Variants in PTPRM observed in about 807,000 individuals in gnomAD.
The protein encoded by PTPRM is protein tyrosine phosphatase receptor type M.
A neutral mutation model predicts 186.7 loss-of-function variants in PTPRM; 47 were observed. The observed-to-expected ratio is 0.25, with a 90% CI of 0.20 to 0.32. The LOEUF is 0.32. Among genes scored for constraint, PTPRM ranks in the 10% least tolerant of loss-of-function variants. PTPRM has a pLI of 1.00. For missense variants in PTPRM, 1,494 were observed against 1,865.0 expected (o/e 0.80, Z 3.66); for synonymous variants, 668 against 674.9 (o/e 0.99, Z 0.16).
At chr18:8,381,637 C>A (rs574024063) in intron 29 of PTPRM, among the ~76,000 whole-genome samples, 1 of 152,274 alleles carries the variant, frequency 6.6e-6, no homozygotes, top group East Asian at 1.9e-4. Flanking sequence ...AACTCTTCCC[C>A]ACTGATGCTC....
chr18:7,848,120 G>T (rs2046687602), intron 2 of PTPRM, among the ~76,000 whole-genome samples: 1 of 152,116 alleles, frequency 6.6e-6, no homozygotes. Flanking sequence ...CTTTTATCTG[G>T]GTTGGTCTCC....
chr18:7,871,356 C>T (rs771366511), intron 2 of PTPRM, among the ~76,000 whole-genome samples: 4 of 152,138 alleles, frequency 2.6e-5, no homozygotes, highest in Admixed American at 1.3e-4. Context: ...CTTAATTTAC[C>T]CTGATGATGA....
At chr18:8,217,092 C>T (rs1263752190) in intron 14 of PTPRM, among the ~76,000 whole-genome samples, 1 of 152,212 alleles carries the variant, frequency 6.6e-6, no homozygotes, top group Admixed American at 6.5e-5. Context: ...AATATTTACA[C>T]ATACTTTCTT....
chr18:7,725,473 A>C (rs2040529227), intron 1 of PTPRM, among the ~76,000 whole-genome samples: 2 of 152,098 alleles, frequency 1.3e-5, no homozygotes, highest in Non-Finnish European at 1.5e-5. Context: ...CTGGAACTGC[A>C]GCCCAAAGTG....
rs144040330 is a variant in PTPRM at position 8,195,097 on chromosome 18, G to A, written c.2301-48961G>A. Among the ~76,000 whole-genome samples, 78 of 151,558 alleles carry A rather than the reference G, an allele frequency of 5.1e-4. 1 individual carries two copies. Among genetic ancestry groups the A allele is most frequent in the African/African-American group, 1.8e-3 (76 of 41,262 alleles). On this transcript the variant is annotated intron_variant, in intron 14 of 32. Transcript: ENST00000580170. ...GAATTGTCATCCACACTTTGGCCAG[G>A]AGTACTGGGAAGTAGCTAGAATGGA...
chr18:8,284,906 G>A (rs2094939573), intron 19 of PTPRM, among the ~76,000 whole-genome samples: 1 of 152,140 alleles, frequency 6.6e-6, no homozygotes, highest in African/African-American at 2.4e-5. Flanking sequence ...TACTAAATTT[G>A]AATGCACTCA....
intron 3 of PTPRM, among the ~76,000 whole-genome samples, chr18:7,899,382 G>T (rs2049538942): frequency 6.6e-6 from 1 of 152,088 alleles, no homozygotes; most frequent in Admixed American, 6.5e-5. Flanking sequence ...GATTTTTGGG[G>T]GTTACAAATA....
intron 2 of PTPRM, among the ~76,000 whole-genome samples, chr18:7,880,826 T>A (rs1304149269): frequency 6.6e-6 from 1 of 152,122 alleles, no homozygotes; most frequent in Non-Finnish European, 1.5e-5. Flanking sequence ...GGGGATGAGA[T>A]CAAAGTGTAA....
intron 2 of PTPRM, among the ~76,000 whole-genome samples, chr18:7,857,984 G>T (rs575849015): frequency 3.7e-4 from 56 of 152,256 alleles, no homozygotes; most frequent in African/African-American, 1.3e-3. Flanking sequence ...AGAGAGGGCA[G>T]ATCTTTCATT....
chr18:8,052,784 A>G (rs1411401974), intron 7 of PTPRM, among the ~76,000 whole-genome samples: 2 of 152,200 alleles, frequency 1.3e-5, no homozygotes, highest in Non-Finnish European at 2.9e-5. Context: ...GGCTGTACCA[A>G]TCCCACTCTC....
intron 22 of PTPRM, among the ~76,000 whole-genome samples, chr18:8,340,772 C>G (rs1032005550): frequency 6.6e-6 from 1 of 152,176 alleles, no homozygotes; most frequent in Non-Finnish European, 1.5e-5. Context: ...AGCCGATGTC[C>G]TTGATGCTAT....
chr18:8,032,377 T>G (rs182409658), intron 7 of PTPRM, among the ~76,000 whole-genome samples: 1 of 152,192 alleles, frequency 6.6e-6, no homozygotes, highest in Non-Finnish European at 1.5e-5. Flanking sequence ...TATTGTTGTT[T>G]CCACTGCTAT....
chr18:7,772,345 CTTTCTCTTTCTTTCTT>C (rs1206838858), intron 1 of PTPRM, among the ~76,000 whole-genome samples: 38 of 116,586 alleles, frequency 3.3e-4, no homozygotes, highest in Admixed American at 2.2e-3. Context: ...TTCTTTCTTT[CTTTCTCTTTCTTTCTT>C]TCTTTCTTTC....
chr18:7,569,046 C>T (rs565673883), intron 1 of PTPRM, among the ~76,000 whole-genome samples: 6 of 152,286 alleles, frequency 3.9e-5, no homozygotes, highest in East Asian at 1.9e-4. Context: ...AAATAGGTCT[C>T]TGCGTTTGGG....
At chr18:8,204,850 T>C (rs902729957) in intron 14 of PTPRM, among the ~76,000 whole-genome samples, 13 of 152,316 alleles carry the variant, frequency 8.5e-5, no homozygotes, top group African/African-American at 2.9e-4. Flanking sequence ...GCTCGTGTTT[T>C]CTCTCTAGTA....
chr18:7,873,652 G>A (rs536848402), intron 2 of PTPRM, among the ~76,000 whole-genome samples: 1 of 152,286 alleles, frequency 6.6e-6, no homozygotes, highest in African/African-American at 2.4e-5. Flanking sequence ...CTTGTGCTTA[G>A]AACAGAGGAT....
chr18:7,848,549 A>G (rs886473019), intron 2 of PTPRM, among the ~76,000 whole-genome samples: 6 of 152,078 alleles, frequency 3.9e-5, no homozygotes, highest in Admixed American at 2.0e-4. Context: ...AGGCAGGAGG[A>G]CCACTTGAGC....
intron 23 of PTPRM, among the ~76,000 whole-genome samples, chr18:8,365,467 T>C (rs1283145777): frequency 6.6e-6 from 1 of 152,212 alleles, no homozygotes. Flanking sequence ...GCTCGGTGGA[T>C]GGGAGTTGCA....
chr18:8,111,150 G>C (rs1300385276), intron 11 of PTPRM, among the ~76,000 whole-genome samples: 1 of 152,186 alleles, frequency 6.6e-6, no homozygotes, highest in Non-Finnish European at 1.5e-5. Context: ...ACCTGGCCTA[G>C]CACTTCCAGT....
Sources: gnomAD v4.1 joint callset for allele counts (sites outside exome capture counted in the v4.1 genomes callset) on GRCh38, gnomAD v4.1.1 for gene constraint, MANE v1.5 for transcripts, NCBI Gene and HGNC (gene_info 2026-07-23, HGNC 2026-07-21) for gene names.